Variants in BABAM2 observed in about 807,000 individuals in gnomAD.
BABAM2 encodes the protein BRISC and BRCA1 A complex member 2.
A neutral mutation model predicts 54.7 loss-of-function variants in BABAM2; 31 were observed. The observed-to-expected ratio is 0.57, with a 90% CI of 0.43 to 0.77. BABAM2 has a LOEUF of 0.77. BABAM2 is among the 30% of genes least tolerant of loss of function. The pLI is 0.00. For synonymous variants in BABAM2, 167 were observed against 162.9 expected, an observed-to-expected ratio of 1.03 and a Z score of -0.19; for missense variants, 364 against 455.8, an observed-to-expected ratio of 0.80 and a Z score of 1.83.
At chr2:28,332,309 A>G (rs560604852) in intron 11 of BABAM2, among the ~76,000 whole-genome samples, 3 of 152,344 alleles carry the variant, frequency 2.0e-5, no homozygotes, top group Admixed American at 2.0e-4. Context: ...TTTTTAAAAA[A>G]GAGAAAAAAG....
intron 11 of BABAM2, among the ~76,000 whole-genome samples, chr2:28,328,492 C>A (rs1690675601): frequency 6.6e-6 from 1 of 152,212 alleles, no homozygotes; most frequent in African/African-American, 2.4e-5. Flanking sequence ...CTACCACACC[C>A]CACCCTACCA....
chr2:28,159,895 A>T (rs1672896694), intron 7 of BABAM2, among the ~76,000 whole-genome samples: 1 of 152,158 alleles, frequency 6.6e-6, no homozygotes, highest in African/African-American at 2.4e-5. Flanking sequence ...AAAAAAAAAA[A>T]AATTGCCAGA....
chr2:27,938,207 C>T (rs961817205), intron 3 of BABAM2, among the ~76,000 whole-genome samples: 3 of 152,102 alleles, frequency 2.0e-5, no homozygotes, highest in Admixed American at 2.0e-4. Context: ...GTTTAATTAC[C>T]ACAATATTTG....
intron 2 of BABAM2, 123 bp downstream of exon 2, chr2:27,894,807 A>C: frequency 2.8e-4 from 311 of 1,112,354 alleles, no homozygotes; most frequent in Non-Finnish European, 3.4e-4. Context: ...TCATCATCTC[A>C]TCATATGTTG....
chr2:28,262,775 C>T (rs1248994070), intron 10 of BABAM2, among the ~76,000 whole-genome samples: 2 of 152,130 alleles, frequency 1.3e-5, no homozygotes, highest in African/African-American at 2.4e-5. Context: ...ACCAGCTTAA[C>T]CTAGAGTCCA....
At chr2:28,027,747 A>G (rs566612746) in intron 5 of BABAM2, among the ~76,000 whole-genome samples, 1 of 152,226 alleles carries the variant, frequency 6.6e-6, no homozygotes, top group South Asian at 2.1e-4. Context: ...TTTGACTTTT[A>G]TGAATAATGC....
chr2:28,201,309 A>G (rs1020237447), intron 7 of BABAM2, among the ~76,000 whole-genome samples: 2 of 152,228 alleles, frequency 1.3e-5, no homozygotes, highest in African/African-American at 4.8e-5. Context: ...TGGTCCTAAT[A>G]TCACATAATG....
chr2:28,085,548 T>C (rs1573547734), intron 6 of BABAM2, among the ~76,000 whole-genome samples: 1 of 152,230 alleles, frequency 6.6e-6, no homozygotes, highest in South Asian at 2.1e-4. Flanking sequence ...TTTGAATACT[T>C]ATATATTTTA....
chr2:28,048,040 A>G (rs1274936977), intron 6 of BABAM2, among the ~76,000 whole-genome samples: 1 of 152,226 alleles, frequency 6.6e-6, no homozygotes, highest in East Asian at 1.9e-4. Context: ...TACTAGGCCT[A>G]TAATTGATAG....
At position 28,045,751 on chromosome 2, in the gene BABAM2, T is replaced by C; in HGVS notation, c.522T>C (p.Leu174=). 1 of 1,611,716 alleles carries C rather than the reference T, an allele frequency of 6.2e-7. No individual in the cohort carries two copies. Among genetic ancestry groups the C allele is most frequent in the Non-Finnish European group, 8.5e-7 (1 of 1,178,444 alleles). The change falls in exon 6 of 12, where the codon CTT becomes CTC. Residue 174 remains leucine (L), a synonymous_variant. Transcript: ENST00000379624. ...CTGGTGAATTTTCAGCTCGTTTCCT[T>C]TTGAAGCTGCCCGTAGATTTCAGCA... ...NWTGEFSARF[L]LKLPVDFSNI...
chr2:28,093,950 G>C (rs1313485865), intron 6 of BABAM2, among the ~76,000 whole-genome samples: 1 of 152,096 alleles, frequency 6.6e-6, no homozygotes, highest in East Asian at 1.9e-4. Context: ...AAGCCAGGCT[G>C]GGGGGCTGAT....
chr2:27,902,635 C>T (rs1665874527), intron 2 of BABAM2, among the ~76,000 whole-genome samples: 1 of 152,078 alleles, frequency 6.6e-6, no homozygotes, highest in African/African-American at 2.4e-5. Flanking sequence ...TGCTTATTGG[C>T]AATTCAGATT....
intron 4 of BABAM2, among the ~76,000 whole-genome samples, chr2:28,001,589 A>G (rs1036257908): frequency 2.6e-5 from 4 of 152,206 alleles, no homozygotes; most frequent in Non-Finnish European, 5.9e-5. Context: ...AAGACTGAGT[A>G]ATTTATAAAG....
At chr2:28,288,762 A>G (rs1687031621) in intron 10 of BABAM2, among the ~76,000 whole-genome samples, 1 of 152,152 alleles carries the variant, frequency 6.6e-6, no homozygotes. Context: ...AACCAACTCA[A>G]AGTCCATCTC....
At chr2:27,989,393 G>C (rs561368865) in intron 4 of BABAM2, among the ~76,000 whole-genome samples, 1 of 152,180 alleles carries the variant, frequency 6.6e-6, no homozygotes, top group South Asian at 2.1e-4. Context: ...ACAAAAGTGG[G>C]AGGTATGACA....
chr2:28,249,937 G>T (rs6723405), intron 10 of BABAM2, among the ~76,000 whole-genome samples: 128,256 of 152,208 alleles, frequency 0.84, 55,827 homozygotes, highest in East Asian at 1. Flanking sequence ...CCAGCTTCTT[G>T]TCTTTCTTAA....
At chr2:27,900,382 T>A (rs534489424) in intron 2 of BABAM2, among the ~76,000 whole-genome samples, 174 of 151,946 alleles carry the variant, frequency 1.1e-3, no homozygotes, top group African/African-American at 3.7e-3. Flanking sequence ...TTTTTTTTTT[T>A]AAATAGCAAT....
intron 6 of BABAM2, among the ~76,000 whole-genome samples, chr2:28,061,584 CAAAAAAAA>C (rs397871191): frequency 3.7e-5 from 2 of 54,086 alleles, no homozygotes; most frequent in African/African-American, 1.3e-4. Flanking sequence ...GACTCTGTCT[CAAAAAAAA>C]AAAAAAAAAA....
rs147038966 is a variant in BABAM2, at chr2:28,198,453, AC to A, written c.681-38747del. 3.2e-3 allele frequency among the ~76,000 whole-genome samples: 490 copies of A among 152,288 alleles called. 3 individuals are homozygous for A. Among genetic ancestry groups the A allele is most frequent in the African/African-American group, 9.7e-3 (405 of 41,556 alleles). On this transcript the variant is annotated intron_variant, in intron 7 of 11. Transcript: ENST00000379624. ...AGTGCTGGGATTACAGGCGTGAGCC[AC>A]CGCGCCTGGCCAGGACAGCTTTAAA... is the stretch of plus-strand genomic sequence containing the variant.
Sources: gnomAD v4.1 joint callset for allele counts (sites outside exome capture counted in the v4.1 genomes callset) on GRCh38, gnomAD v4.1.1 for gene constraint, MANE v1.5 for transcripts, NCBI Gene and HGNC (gene_info 2026-07-23, HGNC 2026-07-21) for gene names.